Variants in NEBL observed in about 807,000 individuals in gnomAD.
NEBL encodes the protein nebulette, also known as LIM and SH3 protein 2.
In NEBL, 122 loss-of-function variants were observed where a neutral mutation model predicts 140.2. That is an observed-to-expected ratio of 0.87 (90% CI 0.75 to 1.01). The LOEUF is 1.01. NEBL is among the 50% of genes least tolerant of loss of function. NEBL has a pLI of 0.00. For synonymous variants in NEBL, 436 were observed against 398.9 expected, an observed-to-expected ratio of 1.09 and a Z score of -1.11; for missense variants, 1,365 against 1,231.3, an observed-to-expected ratio of 1.11 and a Z score of -1.62.
intron 1 of NEBL, among the ~76,000 whole-genome samples, chr10:21,277,397 C>T (rs555666526): frequency 2.1e-4 from 32 of 152,110 alleles, no homozygotes; most frequent in Non-Finnish European, 4.0e-4. Context: ...TTAGTAGAAA[C>T]TGGGTTTCCC....
chr10:20,864,314 T>C (rs1263459771), intron 7 of NEBL, among the ~76,000 whole-genome samples: 2 of 152,216 alleles, frequency 1.3e-5, no homozygotes, highest in Non-Finnish European at 2.9e-5. Context: ...GAGATTTTTG[T>C]TTTAGTTTTT....
chr10:20,818,420 G>C (rs1280315506), intron 20 of NEBL, among the ~76,000 whole-genome samples: 2 of 152,166 alleles, frequency 1.3e-5, no homozygotes, highest in African/African-American at 4.8e-5. Flanking sequence ...TAGAACATTA[G>C]TACAGGGCCC....
intron 26 of NEBL, among the ~76,000 whole-genome samples, chr10:20,799,889 A>T (rs889997939): frequency 3.3e-5 from 5 of 152,164 alleles, no homozygotes; most frequent in African/African-American, 4.8e-5. Context: ...AATGGTTACT[A>T]TAGTGAAGCA....
Position 20,787,317 on chromosome 10 carries a change from T to G in NEBL, c.2762-9A>C, listed in dbSNP as rs1327849573. Reference sequence around the variant, plus strand: ...TCCGGGAAGAACAGGTGCTGCATGTTAAACATACACACACACAAAGATTCC... The same window carrying G: ...TCCGGGAAGAACAGGTGCTGCATGTGAAACATACACACACACAAAGATTCC... On this transcript the variant is annotated splice_polypyrimidine_tract_variant and intron_variant, in intron 26 of 27. Transcript: ENST00000377122. 3.1e-5 allele frequency: 49 copies of G among 1,597,586 alleles called. No individual in the cohort carries two copies. The East Asian group carries it at 1.1e-3, about 36-fold the overall frequency.
At chr10:20,855,700 G>A (rs1307455665) in intron 9 of NEBL, among the ~76,000 whole-genome samples, 5 of 151,982 alleles carry the variant, frequency 3.3e-5, no homozygotes, top group East Asian at 1.9e-4. Context: ...CACTACCAGA[G>A]GTCCATTTTC....
At chr10:20,822,023 T>C (rs1839367982) in intron 19 of NEBL, among the ~76,000 whole-genome samples, 1 of 152,246 alleles carries the variant, frequency 6.6e-6, no homozygotes, top group African/African-American at 2.4e-5. Context: ...ATAGCCGTCC[T>C]TCTGCGTTTG....
At chr10:21,229,621 T>A (rs1842218275) in intron 3 of NEBL, among the ~76,000 whole-genome samples, 1 of 152,222 alleles carries the variant, frequency 6.6e-6, no homozygotes, top group Non-Finnish European at 1.5e-5. Flanking sequence ...TAAGTGGTGT[T>A]ATTTTCAACA....
chr10:21,176,971 A>G (rs1397146804), upstream of NEBL, among the ~76,000 whole-genome samples: 1 of 152,250 alleles, frequency 6.6e-6, no homozygotes, highest in Non-Finnish European at 1.5e-5. Flanking sequence ...TTTAAAGCAT[A>G]ACTAATATCA....
At chr10:20,816,345 A>G (rs1048299496) in intron 21 of NEBL, among the ~76,000 whole-genome samples, 1 of 152,214 alleles carries the variant, frequency 6.6e-6, no homozygotes, top group African/African-American at 2.4e-5. Context: ...CTGGTACTAC[A>G]TGGTCGTGGT....
intron 3 of NEBL, among the ~76,000 whole-genome samples, chr10:21,003,234 G>C (rs553264616): frequency 1.3e-5 from 2 of 152,126 alleles, no homozygotes; most frequent in South Asian, 4.1e-4. Flanking sequence ...TTCTACTAAT[G>C]CTTCTCCCAC....
intron 3 of NEBL, among the ~76,000 whole-genome samples, chr10:20,985,542 A>C (rs1837221670): frequency 6.6e-6 from 1 of 152,238 alleles, no homozygotes; most frequent in African/African-American, 2.4e-5. Flanking sequence ...ATTACCATGA[A>C]ATCTCAATCT....
intron 3 of NEBL, among the ~76,000 whole-genome samples, chr10:21,192,245 G>A (rs866973466): frequency 4.0e-5 from 6 of 150,740 alleles, no homozygotes; most frequent in Middle Eastern, 3.4e-3. Flanking sequence ...AGGCTGGGGT[G>A]CAGTGGCACG....
At chr10:20,820,535 C>T (rs1839196718) in intron 19 of NEBL, among the ~76,000 whole-genome samples, 1 of 152,158 alleles carries the variant, frequency 6.6e-6, no homozygotes, top group Admixed American at 6.5e-5. Context: ...GCTGATGAAA[C>T]AGACTTGAGG....
intron 2 of NEBL, among the ~76,000 whole-genome samples, chr10:21,035,155 G>A (rs560601107): frequency 5.9e-5 from 9 of 151,696 alleles, no homozygotes; most frequent in Non-Finnish European, 8.8e-5. Flanking sequence ...CTGCCACCAC[G>A]CCTGGCTAAT....
intron 14 of NEBL, among the ~76,000 whole-genome samples, chr10:20,832,409 A>T (rs566537404): frequency 6.6e-6 from 1 of 152,190 alleles, no homozygotes; most frequent in East Asian, 1.9e-4. Context: ...TCATAAGAAC[A>T]ACAAATAAGT....
intron 4 of NEBL, among the ~76,000 whole-genome samples, chr10:20,945,422 G>A (rs961413725): frequency 4.6e-5 from 7 of 152,280 alleles, no homozygotes; most frequent in Admixed American, 1.3e-4. Flanking sequence ...CTCAGAAAAG[G>A]TACCTTCAGA....
In NEBL at chr10:20,977,537, T is replaced by C. The variant is rs377179222; in HGVS notation, c.250-15758A>G. ...CAAGACAAGGGAGAGGCATCACAGA[T>C]AGGCGAGCTGGCCTGTGAGCCCACA... is the stretch of plus-strand genomic sequence containing the variant. On this transcript the variant is annotated intron_variant, in intron 3 of 6. Transcript: ENST00000417816. 1.7e-3 allele frequency among the ~76,000 whole-genome samples: 264 copies of C among 152,138 alleles called. 1 individual carries two copies. The highest frequency in any genetic ancestry group is 6.2e-3 in the African/African-American group (258 of 41,508).
At chr10:21,272,118 A>ATGTTTTTTTTTTTTTTTTTT (rs1842867242) in intron 1 of NEBL, among the ~76,000 whole-genome samples, 1 of 79,100 alleles carries the variant, frequency 1.3e-5, no homozygotes, top group Non-Finnish European at 2.3e-5. Flanking sequence ...CACTTGGTTA[A>ATGTTTTTTTTTTTTTTTTTT]TTTTTTTTTT....
At chr10:21,098,233 C>T (rs1837292351) in intron 2 of NEBL, among the ~76,000 whole-genome samples, 1 of 152,138 alleles carries the variant, frequency 6.6e-6, no homozygotes, top group Admixed American at 6.6e-5. Flanking sequence ...CACGTGCACA[C>T]ATACGTACAC....
Sources: allele counts gnomAD v4.1 joint callset (sites outside exome capture counted in the v4.1 genomes callset), GRCh38; gene constraint gnomAD v4.1.1; transcripts MANE v1.5; gene names NCBI Gene and HGNC (gene_info 2026-07-23, HGNC 2026-07-21).